AKAP6: variants seen among roughly 807,000 people sequenced by gnomAD.
AKAP6 encodes the protein A-kinase anchor protein 6.
AKAP6 carries 58 observed loss-of-function variants against 188.5 expected under a neutral mutation model. The observed-to-expected ratio is 0.31, with a 90% confidence interval of 0.25 to 0.38. The LOEUF (loss-of-function observed/expected upper bound fraction) is 0.38. AKAP6 is among the 10% of genes least tolerant of loss of function. The pLI is 1.00. For missense variants in AKAP6, 2,710 were observed against 2,740.0 expected (o/e 0.99, Z 0.24); for synonymous variants, 989 against 998.6 (o/e 0.99, Z 0.18).
chr14:32,793,565 A>G (rs998550263), intron 12 of AKAP6, among the ~76,000 whole-genome samples: 3 of 152,114 alleles, frequency 2.0e-5, no homozygotes, highest in African/African-American at 7.3e-5. Context: ...AAACTCCCAC[A>G]CAATAATAGT....
rs1298814608 is a variant in AKAP6 at position 32,720,057 on chromosome 14, T to C, written c.3001-12397T>C. ...TATAAATACTTGCACTGAACAGGCC[T>C]ATAATTCAGCTATAAAGATATGTGG... On this transcript the variant is annotated intron_variant, in intron 9 of 13. Transcript: ENST00000280979. Among the ~76,000 whole-genome samples, 4 of 152,206 alleles carry C rather than the reference T, an allele frequency of 2.6e-5. No homozygotes were observed. The East Asian group carries it at 7.7e-4, about 29-fold the overall frequency.
At chr14:32,601,989 G>A (rs570518137) in intron 7 of AKAP6, among the ~76,000 whole-genome samples, 21 of 152,182 alleles carry the variant, frequency 1.4e-4, no homozygotes, top group Non-Finnish European at 2.6e-4. Context: ...CATGAAGAAG[G>A]TTGCATTTCA....
intron 8 of AKAP6, among the ~76,000 whole-genome samples, chr14:32,685,648 C>T (rs1889887422): frequency 6.8e-6 from 1 of 147,806 alleles, no homozygotes; most frequent in South Asian, 2.1e-4. Flanking sequence ...GACATGAACC[C>T]TGGAGGCGGA....
At chr14:32,330,691 T>C (rs552851992) in intron 1 of AKAP6, among the ~76,000 whole-genome samples, 1 of 145,512 alleles carries the variant, frequency 6.9e-6, no homozygotes, top group Admixed American at 6.9e-5. Flanking sequence ...GGAAAAGCAA[T>C]ACCTTTAGCT....
chr14:32,817,451 CTGTGTGTGTGTGTGTGTG>C (rs5807685), intron 12 of AKAP6, among the ~76,000 whole-genome samples: 42 of 144,586 alleles, frequency 2.9e-4, no homozygotes, highest in Non-Finnish European at 5.0e-4. Context: ...ATCTGTATAG[CTGTGTGTGTGTGTGTGTG>C]TGTGTGTGTG....
chr14:32,532,699 G>T (rs1053738852), intron 2 of AKAP6, among the ~76,000 whole-genome samples: 2 of 152,148 alleles, frequency 1.3e-5, no homozygotes, highest in East Asian at 3.9e-4. Flanking sequence ...TTCTCTCCTA[G>T]GTATGTAAGA....
chr14:32,478,040 G>T (rs1879159668), intron 2 of AKAP6, among the ~76,000 whole-genome samples: 1 of 152,196 alleles, frequency 6.6e-6, no homozygotes, highest in Non-Finnish European at 1.5e-5. Context: ...TTGCATGGCT[G>T]GGGTTGAGCC....
intron 1 of AKAP6, among the ~76,000 whole-genome samples, chr14:32,334,487 G>A (rs577954488): frequency 5.9e-5 from 9 of 152,196 alleles, no homozygotes; most frequent in African/African-American, 2.2e-4. Context: ...TGACTCCAAA[G>A]CTCAAGATTA....
At chr14:32,344,859 T>C (rs1018723445) in intron 1 of AKAP6, among the ~76,000 whole-genome samples, 6 of 143,540 alleles carry the variant, frequency 4.2e-5, no homozygotes, top group Non-Finnish European at 8.9e-5. Context: ...GAGGTTGCAG[T>C]GAGCCGAGAT....
intron 4 of AKAP6, among the ~76,000 whole-genome samples, chr14:32,565,342 T>C (rs1464516000): frequency 6.6e-6 from 1 of 152,236 alleles, no homozygotes; most frequent in East Asian, 1.9e-4. Context: ...CTGAATTTTG[T>C]ATTTCCTCTT....
intron 1 of AKAP6, among the ~76,000 whole-genome samples, chr14:32,354,839 C>T (rs1887425319): frequency 6.6e-6 from 1 of 151,024 alleles, no homozygotes. Context: ...CTTCTGTTTG[C>T]CTAGTGTCCT....
At chr14:32,372,718 C>T (rs1481927036) in intron 1 of AKAP6, among the ~76,000 whole-genome samples, 2 of 151,442 alleles carry the variant, frequency 1.3e-5, no homozygotes, top group Non-Finnish European at 2.9e-5. Flanking sequence ...ATAACATTAC[C>T]TTGGAAGAAT....
Position 32,422,921 on chromosome 14 carries a change from T to C in AKAP6, c.-34-10539T>C, listed in dbSNP as rs895680885. On this transcript the variant is annotated intron_variant, in intron 1 of 13. Transcript: ENST00000280979. ...TAAGGATTCTGAAGTAAAAATCAGG[T>C]TGGTTCTTTGTTCTCTGTACTGCTG... 9.2e-5 allele frequency among the ~76,000 whole-genome samples: 14 copies of C among 152,282 alleles called. No homozygotes were observed. The East Asian group carries it at 2.7e-3, about 29-fold the overall frequency.
chr14:32,402,621 T>C (rs1014538456), intron 1 of AKAP6, among the ~76,000 whole-genome samples: 3 of 152,218 alleles, frequency 2.0e-5, no homozygotes, highest in Non-Finnish European at 4.4e-5. Flanking sequence ...ACTATACAGC[T>C]GTTTGAAGGC....
At chr14:32,532,882 T>C (rs570121687) in intron 2 of AKAP6, among the ~76,000 whole-genome samples, 1 of 151,858 alleles carries the variant, frequency 6.6e-6, no homozygotes, top group African/African-American at 2.4e-5. Flanking sequence ...AGCAGGAGGG[T>C]AGTATTTGAG....
At chr14:32,709,334 A>G (rs375730455) in intron 9 of AKAP6, among the ~76,000 whole-genome samples, 3 of 151,858 alleles carry the variant, frequency 2.0e-5, no homozygotes, top group African/African-American at 7.3e-5. Context: ...TTTAATCTGA[A>G]GTGAATAATT....
At chr14:32,609,861 TC>T in intron 7 of AKAP6, among the ~76,000 whole-genome samples, 1 of 122,990 alleles carries the variant, frequency 8.1e-6, no homozygotes, top group African/African-American at 4.2e-5. Context: ...ATGAGGTCTC[TC>T]TCTCTCTCTC....
chr14:32,796,201 G>T (rs2033763205), intron 12 of AKAP6, among the ~76,000 whole-genome samples: 1 of 152,044 alleles, frequency 6.6e-6, no homozygotes, highest in African/African-American at 2.4e-5. Flanking sequence ...TGGCCATACT[G>T]CCCAAAGTAA....
chr14:32,599,500 A>G lies in AKAP6; in HGVS notation c.2560A>G (p.Lys854Glu), dbSNP rs751724543. The G allele has an allele frequency of 1.9e-6, 3 of 1,612,766 alleles. No individual in the cohort carries two copies. Among genetic ancestry groups the G allele is most frequent in the Non-Finnish European group, 2.5e-6 (3 of 1,179,178 alleles). ...HQLLELIASH[K>E]AGLKDMLRMI... ...ACTTCTTGAGCTTATTGCATCTCAC[A>G]AAGCAGGTAAATCCTCCTGAAATAT... Residue 854 changes from lysine (K) to glutamate (E), a missense_variant, in exon 6 of 14, where the codon AAA (lysine) becomes GAA (glutamate). Transcript: ENST00000280979.
Sources: allele counts gnomAD v4.1 joint callset (sites outside exome capture counted in the v4.1 genomes callset), GRCh38; gene constraint gnomAD v4.1.1; transcripts MANE v1.5; gene names NCBI Gene and HGNC (gene_info 2026-07-23, HGNC 2026-07-21).